Variants in IL1RAPL1 observed in about 807,000 individuals in gnomAD.
IL1RAPL1 encodes the protein interleukin 1 receptor accessory protein like 1.
A neutral mutation model predicts 48.4 loss-of-function variants in IL1RAPL1; 3 were observed. The observed-to-expected ratio is 0.06, with a 90% CI of 0.03 to 0.16. The LOEUF (loss-of-function observed/expected upper bound fraction) is 0.16. IL1RAPL1 is among the 10% of genes least tolerant of loss of function. The pLI, the probability that IL1RAPL1 is intolerant of heterozygous loss-of-function variation, is 1.00. For synonymous variants in IL1RAPL1, 185 were observed against 187.7 expected (o/e 0.99, Z 0.12); for missense variants, 349 against 530.6 (o/e 0.66, Z 3.36).
In IL1RAPL1 at chrX:29,586,426, C is replaced by G. The variant is rs780844383; in HGVS notation, c.704-82004C>G. ...CTATATGGCTGTCTTTATGGCATTA[C>G]CATATCTTTTGAATACTGTAGATTT... On this transcript the variant is annotated intron_variant, in intron 5 of 10. Transcript: ENST00000378993. Among the ~76,000 whole-genome samples the G allele has an allele frequency of 1.7e-4, 19 of 111,604 alleles. No individual in the cohort carries two copies. The East Asian group carries it at 4.8e-3, about 28-fold the overall frequency.
At chrX:29,662,963 G>C (rs1925892298) in intron 5 of IL1RAPL1, among the ~76,000 whole-genome samples, 1 of 111,853 alleles carries the variant, frequency 8.9e-6, no homozygotes, top group African/African-American at 3.3e-5. Flanking sequence ...GAAAAATAGA[G>C]CACCCCTTTC....
intron 6 of IL1RAPL1, among the ~76,000 whole-genome samples, chrX:29,791,888 G>A (rs943119485): frequency 2.8e-5 from 3 of 108,660 alleles, no homozygotes; most frequent in East Asian, 2.9e-4. Context: ...GCACCAATAC[G>A]CTCAGCTAAT....
At chrX:28,886,241 T>A (rs1922625527) in intron 2 of IL1RAPL1, among the ~76,000 whole-genome samples, 1 of 110,043 alleles carries the variant, frequency 9.1e-6, no homozygotes, top group Non-Finnish European at 1.9e-5. Context: ...CTTTTTACAT[T>A]GTTTTTTTTT....
chrX:29,203,722 A>AATATAGATATATAT (rs1419764371), intron 2 of IL1RAPL1, among the ~76,000 whole-genome samples: 11 of 78,412 alleles, frequency 1.4e-4, no homozygotes, highest in South Asian at 7.7e-4. Flanking sequence ...TCCGTCTCAA[A>AATATAGATATATAT]ATATATATAT....
chrX:28,898,820 G>A (rs769493454), intron 2 of IL1RAPL1, among the ~76,000 whole-genome samples: 3 of 108,532 alleles, frequency 2.8e-5, no homozygotes, highest in Non-Finnish European at 3.8e-5. Flanking sequence ...GTTTATTTTT[G>A]AGACTGTCGC....
intron 3 of IL1RAPL1, among the ~76,000 whole-genome samples, chrX:29,357,945 G>A (rs957461550): frequency 4.5e-5 from 5 of 111,623 alleles, no homozygotes; most frequent in Admixed American, 2.9e-4. Flanking sequence ...ATAATAGACC[G>A]TGGAGGGAAA....
intron 5 of IL1RAPL1, among the ~76,000 whole-genome samples, chrX:29,667,611 C>G (rs372365722): frequency 1.8e-5 from 2 of 111,854 alleles, no homozygotes; most frequent in African/African-American, 6.5e-5. Flanking sequence ...AGCTGACTAA[C>G]TAAAGTCCAG....
In IL1RAPL1 at chrX:29,070,467, G is replaced by A. The variant is rs767109018; in HGVS notation, c.83-212471G>A. 1.0e-3 allele frequency among the ~76,000 whole-genome samples: 112 copies of A among 111,666 alleles called. No individual in the cohort carries two copies. In the South Asian group the frequency reaches 0.014, roughly 14 times the overall value. On this transcript the variant is annotated intron_variant, in intron 2 of 10. Coordinates refer to ENST00000378993, the MANE Select transcript of IL1RAPL1 (RefSeq NM_014271.4). ...GAACAGAGGCTCTGAAACTAAACAC[G>A]GACCTGACACAGGATGGACATCAAT... is the stretch of plus-strand genomic sequence containing the variant.
chrX:29,469,443 A>C (rs902574936), intron 5 of IL1RAPL1, among the ~76,000 whole-genome samples: 3 of 111,962 alleles, frequency 2.7e-5, no homozygotes, highest in Non-Finnish European at 3.8e-5. Flanking sequence ...TACATTTTGT[A>C]CAATATTTCA....
intron 2 of IL1RAPL1, among the ~76,000 whole-genome samples, chrX:29,099,075 C>T (rs778489993): frequency 6.6e-4 from 74 of 111,470 alleles, no homozygotes; most frequent in African/African-American, 2.3e-3. Flanking sequence ...TCGTTTGAAC[C>T]CGGGAGGCAG....
At chrX:28,779,640 A>ATATATATATATATATATATATATATG (rs1936399074) in intron 1 of IL1RAPL1, among the ~76,000 whole-genome samples, 1 of 61,345 alleles carries the variant, frequency 1.6e-5, no homozygotes, top group African/African-American at 7.0e-5. Context: ...GTGTGTATAT[A>ATATATATATATATATATATATATATG]TATATATATA....
At chrX:28,840,150 C>T (rs1413048564) in intron 2 of IL1RAPL1, among the ~76,000 whole-genome samples, 1 of 109,973 alleles carries the variant, frequency 9.1e-6, no homozygotes, top group Non-Finnish European at 1.9e-5. Flanking sequence ...GAGTAAATAT[C>T]ACAAAACACA....
intron 5 of IL1RAPL1, among the ~76,000 whole-genome samples, chrX:29,455,078 G>A (rs1934723408): frequency 9.0e-6 from 1 of 111,157 alleles, no homozygotes; most frequent in Non-Finnish European, 1.9e-5. Context: ...AAAGTCTGAC[G>A]GGGAGGGAGA....
At chrX:28,746,035 G>A (rs1239566646) in intron 1 of IL1RAPL1, among the ~76,000 whole-genome samples, 2 of 111,380 alleles carry the variant, frequency 1.8e-5, no homozygotes, top group Non-Finnish European at 3.8e-5. Context: ...TATGAATAGG[G>A]TCAACCCATT....
At chrX:29,880,695 C>G (rs1403104126) in intron 6 of IL1RAPL1, among the ~76,000 whole-genome samples, 7 of 111,426 alleles carry the variant, frequency 6.3e-5, no homozygotes, top group African/African-American at 2.3e-4. Flanking sequence ...CATCAAACTT[C>G]CCTTTTGACA....
At chrX:28,623,569 C>T (rs903485340) in intron 1 of IL1RAPL1, among the ~76,000 whole-genome samples, 2 of 111,544 alleles carry the variant, frequency 1.8e-5, no homozygotes, top group Non-Finnish European at 3.8e-5. Flanking sequence ...TACCTGCATA[C>T]GTGGCACTGT....
chrX:28,596,726 A>G (rs1417399047), intron 1 of IL1RAPL1, among the ~76,000 whole-genome samples: 1 of 111,980 alleles, frequency 8.9e-6, no homozygotes, highest in African/African-American at 3.2e-5. Context: ...TGTAAATGCT[A>G]TGTAAATAGT....
chrX:29,060,069 G>A (rs1220163297), intron 2 of IL1RAPL1, among the ~76,000 whole-genome samples: 1 of 111,902 alleles, frequency 8.9e-6, no homozygotes, highest in Non-Finnish European at 1.9e-5. Flanking sequence ...TCAAACTAAA[G>A]TCTAGTTGTT....
chrX:29,239,093 C>G (rs1931360606), intron 2 of IL1RAPL1, among the ~76,000 whole-genome samples: 1 of 111,515 alleles, frequency 9.0e-6, no homozygotes, highest in East Asian at 2.8e-4. Flanking sequence ...AAGATGACAA[C>G]CTTTAAAAAT....
Sources: gnomAD v4.1 joint callset for allele counts (sites outside exome capture counted in the v4.1 genomes callset) on GRCh38, gnomAD v4.1.1 for gene constraint, MANE v1.5 for transcripts, NCBI Gene and HGNC (gene_info 2026-07-23, HGNC 2026-07-21) for gene names.